The following UNC13A variants were observed in gnomAD, a reference collection of about 807,000 sequenced individuals.
UNC13A encodes unc-13 homolog A, also known as protein unc-13 homolog A.
In UNC13A, 61 loss-of-function variants were observed where a neutral mutation model predicts 219.7. The ratio of observed to expected loss-of-function variants is 0.28; its 90% confidence interval spans 0.23 to 0.34. UNC13A has a LOEUF of 0.34. UNC13A is among the 10% of genes least tolerant of loss of function. The probability of loss-of-function intolerance (pLI) is 1.00; values close to 1 mark genes in which losing one functional copy is unlikely to be tolerated. For missense variants in UNC13A, 1,476 were observed against 2,270.3 expected, an observed-to-expected ratio of 0.65 and a Z score of 7.11; for synonymous variants, 920 against 884.6, an observed-to-expected ratio of 1.04 and a Z score of -0.71.
At chr19:17,687,485 C>G (rs1002937270) in intron 1 of UNC13A, among the ~76,000 whole-genome samples, 1 of 152,070 alleles carries the variant, frequency 6.6e-6, no homozygotes, top group Non-Finnish European at 1.5e-5. Flanking sequence ...TCTGGACATT[C>G]CTCCAACCCC....
Position 17,639,879 on chromosome 19 carries a change from C to T in UNC13A, c.2817G>A (p.Gln939=). Residue 939 remains glutamine, a synonymous_variant, in exon 23 of 44, where the codon CAG becomes CAA. Transcript: ENST00000519716. ...GGTCAATCCGCAGGGAGTTATGCAG[C>T]TGGTCCAGGAGTTTCACGAAGCGCT... ...GKERFVKLLD[Q]LHNSLRIDLS... is the part of the protein sequence containing the mutation. 2 of 1,613,838 alleles carry T rather than the reference C, an allele frequency of 1.2e-6. No homozygotes were observed. The highest frequency in any genetic ancestry group is 1.7e-6 in the Non-Finnish European group (2 of 1,179,846).
intron 12 of UNC13A, among the ~76,000 whole-genome samples, chr19:17,652,378 C>T (rs1282583439): frequency 3.9e-5 from 6 of 152,112 alleles, no homozygotes; most frequent in South Asian, 4.1e-4. Context: ...ATGATCCTCC[C>T]GCCTCGGCCT....
rs2076471133 is a variant in UNC13A, at chr19:17,602,142, G to A, written c.*3912C>T. 1 of 152,530 alleles carries A rather than the reference G, an allele frequency of 6.6e-6. No homozygotes were observed. Among genetic ancestry groups the A allele is most frequent in the South Asian group, 2.1e-4 (1 of 4,806 alleles). The allele number at this position is 152,530 out of a possible 1,614,324, so 9.4% of individuals were successfully genotyped here. A position where few individuals can be genotyped will look rare whatever the true frequency, so the allele number is the denominator to read the frequency against. On this transcript the variant is annotated 3_prime_UTR_variant, in exon 44 of 44. Transcript: ENST00000519716. ...GGCTCTGGGGCCTGAGAGAGGAATT[G>A]GGGGTGTGGACAGGCACCTCCTCAT...
intron 28 of UNC13A, among the ~76,000 whole-genome samples, chr19:17,632,469 T>C (rs2076866775): frequency 6.6e-6 from 1 of 152,238 alleles, no homozygotes; most frequent in Non-Finnish European, 1.5e-5. Context: ...CCACCATGCC[T>C]GGCCATTTGG....
intron 17 of UNC13A, 27 bp downstream of exon 17, chr19:17,647,238 G>T (rs1471036085): frequency 2.6e-6 from 4 of 1,542,346 alleles, no homozygotes; most frequent in Non-Finnish European, 2.6e-6. Flanking sequence ...AGAAGGAGGG[G>T]CCCTATGGCG....
Position 17,606,078 on chromosome 19 carries a change from C to G in UNC13A, c.5088G>C (p.Glu1696Asp). ...KLKSDTRSAEEGGAAPAP is the reference protein window; with the variant it reads ...KLKSDTRSAEDGGAAPAP ...GCTAAGGCGCAGGCGCGGCACCGCC[C>G]TCCTCGGCGGAGCGCGTGTCCGACT... is the stretch of plus-strand genomic sequence containing the variant. Residue 1696 changes from glutamate (E) to aspartate (D), a missense_variant, in exon 44 of 44, where the codon GAG becomes GAC. By Grantham distance (45) the Glu-to-Asp change is conservative (BLOSUM62 2). Around this residue, in one of 14 missense-constraint regions of UNC13A, gnomAD observed 187 missense variants for 172.3 expected, o/e 1.09. Transcript: ENST00000519716. 1 of 1,585,224 alleles carries G rather than the reference C, an allele frequency of 6.3e-7. No individual in the cohort carries two copies. Among genetic ancestry groups the G allele is most frequent in the Non-Finnish European group, 8.6e-7 (1 of 1,169,142 alleles).
chr19:17,639,066 C>T lies in UNC13A; in HGVS notation c.3081+17G>A, dbSNP rs2076940449. The T allele has an allele frequency of 6.4e-6, 10 of 1,568,462 alleles. No individual in the cohort carries two copies. Among genetic ancestry groups the T allele is most frequent in the Non-Finnish European group, 7.8e-6 (9 of 1,156,170 alleles). On this transcript the variant is annotated intron_variant, in intron 25 of 43. Coordinates refer to ENST00000519716, the MANE Select transcript of UNC13A (RefSeq NM_001080421.3). ...AGTTGGCATCACTGTTCCCTTCTGA[C>T]CCATCTGGAGTCTCACCGGGTCTGT... is the stretch of plus-strand genomic sequence containing the variant.
intron 1 of UNC13A, among the ~76,000 whole-genome samples, chr19:17,678,824 G>A (rs2079951549): frequency 6.6e-6 from 1 of 152,114 alleles, no homozygotes; most frequent in East Asian, 1.9e-4. Flanking sequence ...TGGAGGGGAT[G>A]CTGACAGAGG....
At chr19:17,642,787 G>A in intron 20 of UNC13A, 58 bp downstream of exon 20, 1 of 1,425,348 alleles carries the variant, frequency 7.0e-7, no homozygotes, top group East Asian at 2.5e-5. Flanking sequence ...AGGAAGAGCT[G>A]GGCAGGCAGG....
chr19:17,688,282 C>T lies in UNC13A; in HGVS notation c.-83G>A. 7.3e-7 allele frequency: 1 copy of T among 1,363,256 alleles called. No individual in the cohort carries two copies. The highest frequency in any genetic ancestry group is 1.8e-5 in the South Asian group (1 of 54,790). 84.4% of individuals were successfully genotyped at this position (1,363,256 alleles called of 1,614,324 possible). A position where few individuals can be genotyped will look rare whatever the true frequency, so the allele number is the denominator to read the frequency against. ...CAGCGGCCGCTGGGCTGGGGCATCT[C>T]CCGGCTGCAGCCCGCGCTTGGCTCA... On this transcript the variant is annotated 5_prime_UTR_variant, in exon 1 of 44. Coordinates refer to ENST00000519716, the MANE Select transcript of UNC13A (RefSeq NM_001080421.3).
At chr19:17,626,415 CCATT>C in intron 34 of UNC13A, 1 of 515,022 alleles carries the variant, frequency 1.9e-6, no homozygotes, top group Non-Finnish European at 3.4e-6. Flanking sequence ...TATTCATCCA[CCATT>C]CATTCATCCA....
chr19:17,615,967 G>A (rs1315146668), intron 41 of UNC13A, among the ~76,000 whole-genome samples: 1 of 143,928 alleles, frequency 6.9e-6, no homozygotes, highest in Non-Finnish European at 1.6e-5. Flanking sequence ...AGGAGACCTT[G>A]TCTCTAAATA....
At chr19:17,656,852 C>CAA (rs59091574) in intron 9 of UNC13A, among the ~76,000 whole-genome samples, 9 of 102,150 alleles carry the variant, frequency 8.8e-5, no homozygotes, top group Admixed American at 5.5e-4. Context: ...AATTCCGTCT[C>CAA]AAAAAAAAAA....
At chr19:17,662,874 C>T (rs537167025) in intron 8 of UNC13A, among the ~76,000 whole-genome samples, 5 of 146,580 alleles carry the variant, frequency 3.4e-5, no homozygotes, top group Admixed American at 6.9e-5. Flanking sequence ...GAGCTGAGAT[C>T]GTGCCACTGC....
At chr19:17,607,876 C>CTTTTT (rs58683080) in intron 43 of UNC13A, among the ~76,000 whole-genome samples, 4 of 96,284 alleles carry the variant, frequency 4.2e-5, no homozygotes, top group Non-Finnish European at 6.1e-5. Context: ...CGTGAACAGA[C>CTTTTT]TTTTTTTTTT....
intron 25 of UNC13A, 42 bp from the exon 26 acceptor site, chr19:17,636,199 G>A: frequency 1.3e-6 from 2 of 1,546,220 alleles, no homozygotes; most frequent in African/African-American, 1.4e-5. Flanking sequence ...GGGGTCCAGA[G>A]GTTGGTGCCT....
intron 36 of UNC13A, among the ~76,000 whole-genome samples, chr19:17,622,214 T>A (rs998810709): frequency 6.6e-6 from 1 of 152,192 alleles, no homozygotes; most frequent in African/African-American, 2.4e-5. Context: ...GTTCTTGGGT[T>A]AACAGGAAAG....
chr19:17,618,483 C>A lies in UNC13A; in HGVS notation c.4348G>T (p.Glu1450Ter). Residue 1450 changes from glutamate (E) to a stop codon, truncating the protein, a stop_gained, in exon 40 of 44, where the codon GAA becomes TAA. Coordinates refer to ENST00000519716, the MANE Select transcript of UNC13A (RefSeq NM_001080421.3). LOFTEE classifies it high-confidence loss of function. Reference sequence around the variant, plus strand: ...TGCTTTGGGGTCAAGCTCTTGGCTTCTTCTCGTACCATGTGATCCTGGATG... The same window carrying A: ...TGCTTTGGGGTCAAGCTCTTGGCTTATTCTCGTACCATGTGATCCTGGATG... The part of the protein sequence containing the change: ...SKLKDHMVRE[E>*]AKSLTPKQCA... 1.3e-6 allele frequency: 2 copies of A among 1,592,266 alleles called. No homozygotes were observed. The highest frequency in any genetic ancestry group is 1.7e-6 in the Non-Finnish European group (2 of 1,169,188).
rs1317327376 is a variant in UNC13A, at chr19:17,621,894, G to A, written c.4204-24C>T. Reference sequence around the variant, plus strand: ...CCCTGCAGAGATAATGTCACAGGGTGATCAACCTGGCAAGTCGTGCAGGGT... The same window carrying A: ...CCCTGCAGAGATAATGTCACAGGGTAATCAACCTGGCAAGTCGTGCAGGGT... On this transcript the variant is annotated intron_variant, in intron 36 of 43. Transcript: ENST00000519716. 3.1e-6 allele frequency: 5 copies of A among 1,613,808 alleles called. No individual in the cohort carries two copies. In the East Asian group the frequency reaches 6.7e-5, roughly 22 times the overall value.
Sources: gnomAD v4.1 joint callset for allele counts (sites outside exome capture counted in the v4.1 genomes callset) on GRCh38, gnomAD v4.1.1 for gene constraint, gnomAD v4.1.1 regional missense constraint, MANE v1.5 for transcripts, NCBI Gene and HGNC (gene_info 2026-07-23, HGNC 2026-07-21) for gene names.